CNBD1: variants seen among roughly 807,000 people sequenced by gnomAD.
CNBD1 encodes cyclic nucleotide binding domain containing 1, also known as cyclic nucleotide-binding domain-containing protein 1.
In CNBD1, 71 loss-of-function variants were observed where a neutral mutation model predicts 54.4. The observed-to-expected ratio is 1.30, with a 90% CI of 1.08 to 1.59. CNBD1 has a LOEUF of 1.59. Ranked by LOEUF, CNBD1 falls within the 40% of genes most tolerant of loss-of-function variation. The pLI is 0.00. For missense variants in CNBD1, 659 were observed against 518.0 expected, an observed-to-expected ratio of 1.27 and a Z score of -2.64; for synonymous variants, 182 against 170.7, an observed-to-expected ratio of 1.07 and a Z score of -0.51.
In CNBD1 at chr8:86,937,695, G is replaced by A. The variant is rs1477137471; in HGVS notation, c.273-1901G>A. Among the ~76,000 whole-genome samples, 6 of 151,674 alleles carry A rather than the reference G, an allele frequency of 4.0e-5. No homozygotes were observed. In the South Asian group the frequency reaches 1.0e-3, roughly 26 times the overall value. On this transcript the variant is annotated intron_variant, in intron 3 of 10. Coordinates refer to ENST00000518476, the MANE Select transcript of CNBD1 (RefSeq NM_173538.3). ...ACACAGGGCACCAAGTCCTGAGACT[G>A]CACAAAGCAGCAAGGCTCTGGGCGA...
intron 4 of CNBD1, among the ~76,000 whole-genome samples, chr8:87,061,129 G>C (rs537985399): frequency 6.6e-6 from 1 of 152,312 alleles, no homozygotes; most frequent in African/African-American, 2.4e-5. Context: ...TTCTGTGGCT[G>C]TTTGCAATGA....
At chr8:87,398,911 C>T (rs762853579) in intron 2 of CNBD1, among the ~76,000 whole-genome samples, 4 of 152,024 alleles carry the variant, frequency 2.6e-5, no homozygotes, top group Non-Finnish European at 4.4e-5. Flanking sequence ...CCCACCTATT[C>T]TCCTGTGAAG....
intron 2 of CNBD1, among the ~76,000 whole-genome samples, chr8:86,901,841 C>T (rs1254387593): frequency 2.0e-5 from 3 of 152,222 alleles, no homozygotes; most frequent in Non-Finnish European, 2.9e-5. Flanking sequence ...ATGAGAACAT[C>T]GAGTAGACTA....
intron 4 of CNBD1, among the ~76,000 whole-genome samples, chr8:87,037,907 T>C (rs1199121635): frequency 6.6e-6 from 1 of 152,178 alleles, no homozygotes; most frequent in Non-Finnish European, 1.5e-5. Flanking sequence ...TAGGATGAAA[T>C]AGCTGGTTAC....
intron 4 of CNBD1, among the ~76,000 whole-genome samples, chr8:87,180,072 C>T (rs912567746): frequency 1.3e-5 from 2 of 151,836 alleles, no homozygotes; most frequent in African/African-American, 2.4e-5. Context: ...GAAGGAAGCA[C>T]GAAGTGAAAA....
chr8:87,275,729 T>C (rs1311008862), intron 6 of CNBD1, among the ~76,000 whole-genome samples: 5 of 151,622 alleles, frequency 3.3e-5, no homozygotes, highest in South Asian at 2.1e-4. Context: ...CCAGGGCAAT[T>C]AGGCAGGAGA....
chr8:86,996,222 T>C (rs2130536929), intron 4 of CNBD1, among the ~76,000 whole-genome samples: 1 of 152,320 alleles, frequency 6.6e-6, no homozygotes, highest in Middle Eastern at 3.4e-3. Context: ...CTGTGATTCA[T>C]GTTTTGGGCA....
At chr8:87,424,818 G>C (rs1808016261) in intron 2 of CNBD1, among the ~76,000 whole-genome samples, 1 of 152,110 alleles carries the variant, frequency 6.6e-6, no homozygotes, top group South Asian at 2.1e-4. Flanking sequence ...CTCTTCTCCA[G>C]GAGTATCTTT....
At chr8:87,403,678 T>C (rs1462493585) in intron 2 of CNBD1, among the ~76,000 whole-genome samples, 1 of 152,044 alleles carries the variant, frequency 6.6e-6, no homozygotes, top group Non-Finnish European at 1.5e-5. Context: ...AAAAAATTAT[T>C]ATTGTAATTA....
rs140289946 is a variant in CNBD1, at chr8:87,235,594, A to G, written c.578-1325A>G. On this transcript the variant is annotated intron_variant, in intron 5 of 10. Transcript: ENST00000518476. Reference sequence around the variant, plus strand: ...ATTTACCAATTAAGTTCATTATCTTATATGTGCATAGTTTGCGGTGCCCAA... The same window carrying G: ...ATTTACCAATTAAGTTCATTATCTTGTATGTGCATAGTTTGCGGTGCCCAA... Among the ~76,000 whole-genome samples, 20 of 152,288 alleles carry G rather than the reference A, an allele frequency of 1.3e-4. No homozygotes were observed. The East Asian group carries it at 3.7e-3, about 28-fold the overall frequency.
intron 10 of CNBD1, among the ~76,000 whole-genome samples, chr8:87,376,278 C>T (rs1403101450): frequency 2.0e-5 from 3 of 151,778 alleles, no homozygotes; most frequent in Admixed American, 6.6e-5. Context: ...GGTGAGGGTA[C>T]ATTCCTGGTT....
rs10671983 is a variant in CNBD1 at position 86,940,132 on chromosome 8, C to CTT, written c.431+396_431+397dup. Reference sequence around the variant, plus strand: ...CTTTAAATAAACTTACCACATGTTACTTTTTTTTTTTTTTTTTTTGAGACT... The same window carrying CTT: ...CTTTAAATAAACTTACCACATGTTACTTTTTTTTTTTTTTTTTTTTTGAGACT... On this transcript the variant is annotated intron_variant, in intron 4 of 10. Coordinates refer to ENST00000518476, the MANE Select transcript of CNBD1 (RefSeq NM_173538.3). 9.9e-3 allele frequency among the ~76,000 whole-genome samples: 876 copies of CTT among 88,678 alleles called. 63 individuals carry two copies. The highest frequency in any genetic ancestry group is 0.034 in the African/African-American group (742 of 21,882). The allele number at this position is 88,678 out of a possible 152,430, so 58.2% of individuals were successfully genotyped here.
intron 4 of CNBD1, among the ~76,000 whole-genome samples, chr8:86,999,689 C>G (rs1202763258): frequency 1.3e-5 from 2 of 152,188 alleles, no homozygotes; most frequent in African/African-American, 4.8e-5. Flanking sequence ...CTTATTTCCT[C>G]AAACTTCAGA....
chr8:86,869,362 G>A lies in CNBD1; in HGVS notation c.88+2779G>A, dbSNP rs541798376. Among the ~76,000 whole-genome samples, 17 of 113,384 alleles carry A rather than the reference G, an allele frequency of 1.5e-4. No homozygotes were observed. In the East Asian group the frequency reaches 4.2e-3, roughly 28 times the overall value. 74.4% of individuals were successfully genotyped at this position (113,384 alleles called of 152,430 possible). On this transcript the variant is annotated intron_variant, in intron 1 of 10. Transcript: ENST00000518476. ...AAACTCTACTCACAACAACAACAAA[G>A]CTGGCAGCATTCCGGGTTGCCCCTT...
chr8:87,144,681 C>G, intron 4 of CNBD1, among the ~76,000 whole-genome samples: 1 of 151,994 alleles, frequency 6.6e-6, no homozygotes, highest in East Asian at 1.9e-4. Context: ...ATTAGACAGG[C>G]ATGATGGCAT....
rs575916197 is a variant in CNBD1 at position 87,356,747 on chromosome 8, G to A, written c.1303+2961G>A. ...GAGAGAAATTTAAATGCACTGTGGA[G>A]CAACAACTTGCTAGAGGGATTAGCT... On this transcript the variant is annotated intron_variant, in intron 10 of 10. Transcript: ENST00000518476. Among the ~76,000 whole-genome samples the A allele has an allele frequency of 3.9e-5, 6 of 152,308 alleles. No homozygotes were observed. In the East Asian group the frequency reaches 5.8e-4, roughly 15 times the overall value.
At chr8:87,380,201 A>G (rs1811046024) in intron 10 of CNBD1, among the ~76,000 whole-genome samples, 1 of 152,006 alleles carries the variant, frequency 6.6e-6, no homozygotes, top group Non-Finnish European at 1.5e-5. Flanking sequence ...TTAAAATGTC[A>G]AATGTCAAGA....
chr8:87,379,761 T>C (rs1272417482), intron 10 of CNBD1, among the ~76,000 whole-genome samples: 1 of 151,958 alleles, frequency 6.6e-6, no homozygotes, highest in African/African-American at 2.4e-5. Context: ...TTGAATCTGA[T>C]TGTTTTATAT....
chr8:87,127,596 C>A (rs747406389), intron 4 of CNBD1, among the ~76,000 whole-genome samples: 5 of 151,982 alleles, frequency 3.3e-5, no homozygotes, highest in Admixed American at 1.3e-4. Flanking sequence ...ATGTTGTCTG[C>A]GAATAAAGAC....
Sources: allele counts gnomAD v4.1 joint callset (sites outside exome capture counted in the v4.1 genomes callset), GRCh38; gene constraint gnomAD v4.1.1; transcripts MANE v1.5; gene names NCBI Gene and HGNC (gene_info 2026-07-23, HGNC 2026-07-21).